The following PLXDC2 variants were observed in gnomAD, a reference collection of about 807,000 sequenced individuals.
PLXDC2 encodes plexin domain-containing protein 2.
In PLXDC2, 40 loss-of-function variants were observed where a neutral mutation model predicts 68.9. The observed-to-expected ratio is 0.58, with a 90% CI of 0.45 to 0.76. The LOEUF (loss-of-function observed/expected upper bound fraction) is 0.76. Ranked by LOEUF, PLXDC2 falls within the 30% of genes least tolerant of loss-of-function variation. The pLI is 0.00. For missense variants in PLXDC2, 644 were observed against 661.9 expected, an observed-to-expected ratio of 0.97 and a Z score of 0.30; for synonymous variants, 243 against 234.2, an observed-to-expected ratio of 1.04 and a Z score of -0.34.
At chr10:19,828,586 T>C (rs927299298) in intron 1 of PLXDC2, among the ~76,000 whole-genome samples, 6 of 152,198 alleles carry the variant, frequency 3.9e-5, no homozygotes, top group Non-Finnish European at 5.9e-5. Context: ...TTAACATCTG[T>C]TGTTCATTTC....
At chr10:20,276,972 G>A (rs1836014634) in intron 13 of PLXDC2, among the ~76,000 whole-genome samples, 1 of 152,020 alleles carries the variant, frequency 6.6e-6, no homozygotes. Flanking sequence ...AGCACTTTGG[G>A]AGGCTGAGGT....
chr10:20,062,885 A>G (rs1836130726), intron 3 of PLXDC2, among the ~76,000 whole-genome samples: 1 of 152,180 alleles, frequency 6.6e-6, no homozygotes. Flanking sequence ...TTACATAAAT[A>G]AAACAAATAT....
At chr10:20,268,803 G>T (rs1319003925) in intron 13 of PLXDC2, among the ~76,000 whole-genome samples, 1 of 152,174 alleles carries the variant, frequency 6.6e-6, no homozygotes, top group South Asian at 2.1e-4. Flanking sequence ...GACCAGTGCA[G>T]CACTATCTTG....
chr10:20,136,221 G>A (rs949683169), intron 4 of PLXDC2, among the ~76,000 whole-genome samples: 3 of 152,122 alleles, frequency 2.0e-5, no homozygotes, highest in Non-Finnish European at 4.4e-5. Context: ...TTATTCAGAG[G>A]AAGTCTGTTA....
chr10:20,194,131 T>C (rs999784958), intron 9 of PLXDC2, among the ~76,000 whole-genome samples: 1 of 151,776 alleles, frequency 6.6e-6, no homozygotes, highest in Admixed American at 6.6e-5. Context: ...ACTAAATATA[T>C]ATATGTAATT....
intron 9 of PLXDC2, among the ~76,000 whole-genome samples, chr10:20,198,615 A>G (rs749133671): frequency 9.9e-5 from 15 of 152,140 alleles, no homozygotes; most frequent in Non-Finnish European, 2.1e-4. Context: ...CCTTTGGGTT[A>G]TAGCTGACTT....
intron 1 of PLXDC2, among the ~76,000 whole-genome samples, chr10:19,973,348 A>T (rs1297789074): frequency 6.7e-6 from 1 of 148,956 alleles, no homozygotes; most frequent in Non-Finnish European, 1.5e-5. Flanking sequence ...GTATATATGT[A>T]TACTCACATA....
At chr10:19,999,536 A>G (rs2131635707) in intron 1 of PLXDC2, among the ~76,000 whole-genome samples, 1 of 152,000 alleles carries the variant, frequency 6.6e-6, no homozygotes, top group Middle Eastern at 3.4e-3. Flanking sequence ...ACCATTTCTT[A>G]TCTAGGTTGA....
intron 4 of PLXDC2, among the ~76,000 whole-genome samples, chr10:20,113,216 CTT>C (rs1298288911): frequency 1.4e-5 from 2 of 143,232 alleles, no homozygotes; most frequent in Non-Finnish European, 1.5e-5. Flanking sequence ...CCAAATGACT[CTT>C]TTTATTGTAA....
chr10:20,056,201 T>G (rs12357113), intron 3 of PLXDC2, among the ~76,000 whole-genome samples: 3,532 of 152,318 alleles, frequency 0.023, 53 homozygotes, highest in Middle Eastern at 0.037. Flanking sequence ...TTTAACAAAT[T>G]CTACCATTAA....
chr10:19,941,612 G>C (rs1250987110), intron 1 of PLXDC2, among the ~76,000 whole-genome samples: 1 of 152,070 alleles, frequency 6.6e-6, no homozygotes. Flanking sequence ...AGTTCAAAGG[G>C]GGTCTGTCAC....
chr10:19,927,713 C>CAAAAAAAAAAGAAAAAAAAA (rs1833561930), intron 1 of PLXDC2, among the ~76,000 whole-genome samples: 1 of 53,142 alleles, frequency 1.9e-5, no homozygotes, highest in Non-Finnish European at 3.1e-5. Flanking sequence ...GGAAAAAAAG[C>CAAAAAAAAAAGAAAAAAAAA]AAAAAAAAAA....
At chr10:19,894,596 A>G (rs1260652748) in intron 1 of PLXDC2, among the ~76,000 whole-genome samples, 1 of 152,220 alleles carries the variant, frequency 6.6e-6, no homozygotes, top group Non-Finnish European at 1.5e-5. Context: ...TTTAACTGGC[A>G]TAAGTATTTT....
chr10:19,970,055 C>T (rs1370163322), intron 1 of PLXDC2, among the ~76,000 whole-genome samples: 1 of 152,132 alleles, frequency 6.6e-6, no homozygotes. Flanking sequence ...AATCTCATGC[C>T]TACGTTCTTG....
rs118111168 is a variant in PLXDC2 at position 19,835,628 on chromosome 10, C to A, written c.112+18437C>A. On this transcript the variant is annotated intron_variant, in intron 1 of 13. Coordinates refer to ENST00000377252, the MANE Select transcript of PLXDC2 (RefSeq NM_032812.9). The stretch of plus-strand genomic sequence containing the variant: ...GAATAATCAGAGAAGAGCAGAGGGT[C>A]AAGGTCAGAGTCCTAGAGAGCTGGT... 2.9e-3 allele frequency among the ~76,000 whole-genome samples: 442 copies of A among 152,166 alleles called. 10 individuals are homozygous for A. In the East Asian group the frequency reaches 0.057, roughly 20 times the overall value.
At chr10:20,131,679 C>T (rs549079123) in intron 4 of PLXDC2, among the ~76,000 whole-genome samples, 5 of 152,266 alleles carry the variant, frequency 3.3e-5, no homozygotes, top group African/African-American at 1.2e-4. Flanking sequence ...GGATTACAGG[C>T]GTGAGCCACT....
chr10:19,817,116 G>C lies in PLXDC2; in HGVS notation c.37G>C (p.Gly13Arg). The change falls in exon 1 of 14, where the codon GGA becomes CGA. Residue 13 changes from glycine to arginine, a missense_variant. Physicochemically the swap from Gly to Arg is moderately radical, Grantham distance 125. Transcript: ENST00000377252. ...CCCGAAGGCCGACCTGGCCGCTGCA[G>C]GAGTTATGTTACTTTGCCACTTCTT... ...RFPKADLAAA[G>R]VMLLCHFFTD... 1 of 1,569,750 alleles carries C rather than the reference G, an allele frequency of 6.4e-7. No individual in the cohort carries two copies. Among genetic ancestry groups the C allele is most frequent in the Non-Finnish European group, 8.7e-7 (1 of 1,154,808 alleles).
chr10:20,222,429 G>C (rs1835224341), intron 12 of PLXDC2, among the ~76,000 whole-genome samples: 1 of 152,190 alleles, frequency 6.6e-6, no homozygotes, highest in Non-Finnish European at 1.5e-5. Context: ...AGTCACTCTT[G>C]ATGAATCTTC....
chr10:19,827,480 G>C (rs777610162), intron 1 of PLXDC2, among the ~76,000 whole-genome samples: 5 of 152,040 alleles, frequency 3.3e-5, no homozygotes, highest in Non-Finnish European at 5.9e-5. Flanking sequence ...TAAACAACTG[G>C]GAGACTACGT....
Sources: gnomAD v4.1 joint callset for allele counts (sites outside exome capture counted in the v4.1 genomes callset) on GRCh38, gnomAD v4.1.1 for gene constraint, MANE v1.5 for transcripts, NCBI Gene and HGNC (gene_info 2026-07-23, HGNC 2026-07-21) for gene names.